The following NUCB2 variants were observed in gnomAD, a reference collection of about 807,000 sequenced individuals.
NUCB2 encodes nucleobindin-2.
A neutral mutation model predicts 57.9 loss-of-function variants in NUCB2; 48 were observed. The ratio of observed to expected loss-of-function variants is 0.83; its 90% CI spans 0.66 to 1.05. The LOEUF (loss-of-function observed/expected upper bound fraction) is 1.05. NUCB2 is among the 50% of genes least tolerant of loss of function. The probability of loss-of-function intolerance (pLI) is 0.00; values close to 1 mark genes in which losing one functional copy is unlikely to be tolerated. For synonymous variants in NUCB2, 139 were observed against 152.1 expected (o/e 0.91, Z 0.64); for missense variants, 442 against 476.2 (o/e 0.93, Z 0.67).
chr11:17,308,599 G>T (rs937115704), intron 5 of NUCB2, among the ~76,000 whole-genome samples: 1 of 152,088 alleles, frequency 6.6e-6, no homozygotes, highest in African/African-American at 2.4e-5. Flanking sequence ...AGAAGGGCTC[G>T]TATTGCGTTG....
At chr11:17,320,618 C>A (rs866146703) in intron 11 of NUCB2, among the ~76,000 whole-genome samples, 1 of 152,038 alleles carries the variant, frequency 6.6e-6, no homozygotes, top group African/African-American at 2.4e-5. Flanking sequence ...GATTGCACCC[C>A]AGCACTCCAG....
At position 17,330,371 on chromosome 11, in the gene NUCB2, A is replaced by G. The variant is rs190780982; in HGVS notation, c.1173+74A>G. ...TGTTAAAAGCCTGTGTTTTTGTAAC[A>G]TATTTCATTGTACTATATAGTACAC... On this transcript the variant is annotated intron_variant, in intron 12 of 13. Transcript: ENST00000529010. The surrounding 1 kb of genome is among the most constrained non-coding windows in gnomAD (Gnocchi z 4.3). The G allele has an allele frequency of 2.6e-6, 3 of 1,157,514 alleles. No individual in the cohort carries two copies. In the East Asian group the frequency reaches 7.2e-5, roughly 28 times the overall value. The allele number at this position is 1,157,514 out of a possible 1,614,324, so 71.7% of individuals were successfully genotyped here. A position where few individuals can be genotyped will look rare whatever the true frequency, so the allele number is the denominator to read the frequency against.
chr11:17,342,392 T>G (rs1022719696), intron 2 of NUCB2, among the ~76,000 whole-genome samples: 1 of 152,156 alleles, frequency 6.6e-6, no homozygotes, highest in African/African-American at 2.4e-5. Flanking sequence ...CTAGTTCTTT[T>G]AATTGTGATG....
rs370977575 is a variant in NUCB2 at position 17,299,357 on chromosome 11, A to G, written c.253-2387A>G. Among the ~76,000 whole-genome samples, 52 of 152,280 alleles carry G rather than the reference A, an allele frequency of 3.4e-4. 1 individual carries two copies. In the South Asian group the frequency reaches 0.011, roughly 31 times the overall value. ...AGTTGGGGACTACATTTTGACAACC[A>G]TTGTTTTATCTAATAATAATGACTA... On this transcript the variant is annotated intron_variant, in intron 4 of 13. Coordinates refer to ENST00000529010, the MANE Select transcript of NUCB2 (RefSeq NM_005013.4).
chr11:17,319,345 T>A (rs1949709574), intron 11 of NUCB2, among the ~76,000 whole-genome samples: 1 of 152,208 alleles, frequency 6.6e-6, no homozygotes, highest in Non-Finnish European at 1.5e-5. Context: ...CATGTCCGAA[T>A]GATTCTTTGG....
At chr11:17,296,280 AC>A in intron 4 of NUCB2, 69 bp downstream of exon 4, 1 of 856,060 alleles carries the variant, frequency 1.2e-6, no homozygotes, top group Non-Finnish European at 1.7e-6. Context: ...ATGAGGTCTC[AC>A]CATATAACCC....
At position 17,309,585 on chromosome 11, in the gene NUCB2, C is replaced by T; in HGVS notation, c.393C>T (p.Asp131=). 1 of 1,590,576 alleles carries T rather than the reference C, an allele frequency of 6.3e-7. No individual in the cohort carries two copies. Among genetic ancestry groups the T allele is most frequent in the Non-Finnish European group, 8.5e-7 (1 of 1,170,004 alleles). The change falls in exon 6 of 14, where the codon GAC becomes GAT. Residue 131 remains aspartate (D), a synonymous_variant. Transcript: ENST00000529010. The part of the protein sequence containing the change: ...KLDSLQDIGM[D]HQALLKQFDH... ...ATTTTCTTTCAGATATAGGCATGGA[C>T]CACCAAGCTCTTCTAAAACAATTTG... is the stretch of plus-strand genomic sequence containing the variant.
chr11:17,315,196 T>C (rs1168872850), intron 10 of NUCB2, among the ~76,000 whole-genome samples, 190 bp from the exon 11 acceptor site: 1 of 152,182 alleles, frequency 6.6e-6, no homozygotes. Flanking sequence ...GAGAAAGATG[T>C]TTATTTTGTA....
At chr11:17,299,186 A>G (rs1346556534) in intron 4 of NUCB2, among the ~76,000 whole-genome samples, 1 of 152,160 alleles carries the variant, frequency 6.6e-6, no homozygotes, top group African/African-American at 2.4e-5. Flanking sequence ...TTGATTCCTC[A>G]TTCTACTGGG....
exon 3 of NUCB2, chr11:17,349,962 C>T (rs1953065690): frequency 6.6e-6 from 1 of 152,184 alleles, no homozygotes; most frequent in South Asian, 2.1e-4. Flanking sequence ...CACAGAAAGT[C>T]AGAGTTTTCC....
At chr11:17,319,764 G>A (rs1176211924) in intron 11 of NUCB2, among the ~76,000 whole-genome samples, 1 of 151,766 alleles carries the variant, frequency 6.6e-6, no homozygotes, top group Admixed American at 6.6e-5. Context: ...ACATGTGCAG[G>A]TTTATTATAT....
chr11:17,299,528 A>G (rs1400717344), intron 4 of NUCB2, among the ~76,000 whole-genome samples: 1 of 152,156 alleles, frequency 6.6e-6, no homozygotes, highest in Non-Finnish European at 1.5e-5. Flanking sequence ...TGGAATGACT[A>G]ATGCTTATAG....
intron 2 of NUCB2, among the ~76,000 whole-genome samples, chr11:17,340,526 A>AT (rs1952172060): frequency 6.6e-6 from 1 of 151,956 alleles, no homozygotes; most frequent in Admixed American, 6.5e-5. Flanking sequence ...TAATTTTTGT[A>AT]TAAGGTGTAA....
chr11:17,317,291 G>A (rs1255526336), intron 11 of NUCB2, among the ~76,000 whole-genome samples: 1 of 151,780 alleles, frequency 6.6e-6, no homozygotes, highest in Non-Finnish European at 1.5e-5. Context: ...ATATACTTAT[G>A]TATATGTTAT....
intron 2 of NUCB2, among the ~76,000 whole-genome samples, chr11:17,344,535 G>A (rs1427338032): frequency 1.3e-5 from 2 of 152,108 alleles, no homozygotes; most frequent in African/African-American, 4.8e-5. Flanking sequence ...AAAGCTTTGA[G>A]GCATGTAAGA....
downstream of NUCB2, among the ~76,000 whole-genome samples, chr11:17,335,226 G>C (rs1473773123): frequency 3.3e-5 from 5 of 151,600 alleles, no homozygotes; most frequent in South Asian, 2.1e-4. Flanking sequence ...TCCTTTTGTT[G>C]ATGACTACTA....
In NUCB2 at chr11:17,310,760, A is replaced by G. The variant is rs1948369084; in HGVS notation, c.484-65A>G. Reference sequence around the variant, plus strand: ...GTTCAAGAGTATGCTATATTCAAGAATGGCTTTATTTACATTTTTCAAGTG... The same window carrying G: ...GTTCAAGAGTATGCTATATTCAAGAGTGGCTTTATTTACATTTTTCAAGTG... On this transcript the variant is annotated intron_variant, in intron 6 of 13. Coordinates refer to ENST00000529010, the MANE Select transcript of NUCB2 (RefSeq NM_005013.4). The G allele has an allele frequency of 3.8e-6, 5 of 1,312,388 alleles. No homozygotes were observed. In the East Asian group the frequency reaches 9.7e-5, roughly 25 times the overall value. 81.3% of individuals were successfully genotyped at this position (1,312,388 alleles called of 1,614,324 possible).
At chr11:17,343,842 A>G (rs1952493748) in intron 2 of NUCB2, among the ~76,000 whole-genome samples, 2 of 151,616 alleles carry the variant, frequency 1.3e-5, no homozygotes, top group Non-Finnish European at 2.9e-5. Flanking sequence ...TTGCATCTTA[A>G]TTTTTTTCTA....
chr11:17,311,637 GA>G (rs1298624778), intron 8 of NUCB2, among the ~76,000 whole-genome samples: 4 of 151,618 alleles, frequency 2.6e-5, no homozygotes, highest in African/African-American at 4.8e-5. Flanking sequence ...TATATTTTTG[GA>G]AAAAAATGGT....
Sources: allele counts gnomAD v4.1 joint callset (sites outside exome capture counted in the v4.1 genomes callset), GRCh38; gene constraint gnomAD v4.1.1; non-coding constraint Gnocchi (gnomAD v3.1); transcripts MANE v1.5; gene names NCBI Gene and HGNC (gene_info 2026-07-23, HGNC 2026-07-21).